TCF12: variants seen among roughly 807,000 people sequenced by gnomAD.
TCF12 encodes DNA-binding protein HTF4.
Under a neutral mutation model 86.0 loss-of-function variants are expected in TCF12, and 45 were observed. The observed-to-expected ratio is 0.52, with a 90% CI of 0.41 to 0.67. The LOEUF is 0.67. TCF12 is among the 30% of genes least tolerant of loss of function. The pLI is 0.00. For missense variants in TCF12, 881 were observed against 859.9 expected (o/e 1.02, Z -0.31); for synonymous variants, 330 against 299.6 (o/e 1.10, Z -1.05).
intron 3 of TCF12, among the ~76,000 whole-genome samples, chr15:56,939,594 C>G (rs1179917293): frequency 1.3e-5 from 2 of 152,122 alleles, no homozygotes; most frequent in Non-Finnish European, 2.9e-5. Flanking sequence ...GTGCTTTACA[C>G]TTGTGTTTCT....
chr15:57,180,970 A>G (rs2056307209), intron 6 of TCF12, among the ~76,000 whole-genome samples: 1 of 151,452 alleles, frequency 6.6e-6, no homozygotes, highest in African/African-American at 2.4e-5. Flanking sequence ...ACCCGCCACC[A>G]CGCCCGCCTA....
At chr15:57,121,964 A>G (rs996237418) in intron 5 of TCF12, among the ~76,000 whole-genome samples, 14 of 152,118 alleles carry the variant, frequency 9.2e-5, no homozygotes, top group African/African-American at 3.1e-4. Context: ...CAGTATACCT[A>G]TGGGTGAGAT....
chr15:57,153,577 G>T (rs1346071600), intron 5 of TCF12, among the ~76,000 whole-genome samples: 3 of 152,010 alleles, frequency 2.0e-5, no homozygotes, highest in African/African-American at 7.3e-5. Flanking sequence ...TTATATTGTC[G>T]GTTTTATAAA....
chr15:56,966,806 T>C (rs1036829826), intron 3 of TCF12, among the ~76,000 whole-genome samples: 6 of 152,192 alleles, frequency 3.9e-5, no homozygotes, highest in African/African-American at 1.2e-4. Flanking sequence ...CAAGAACTTA[T>C]TGAATAGTAG....
At chr15:57,030,675 T>C (rs916869363) in intron 3 of TCF12, among the ~76,000 whole-genome samples, 2 of 152,232 alleles carry the variant, frequency 1.3e-5, no homozygotes. Flanking sequence ...TATAGAAATT[T>C]CAGTTTGTTT....
At chr15:57,276,229 C>G (rs1356497375) in intron 19 of TCF12, among the ~76,000 whole-genome samples, 7 of 152,218 alleles carry the variant, frequency 4.6e-5, no homozygotes, top group Admixed American at 3.3e-4. Flanking sequence ...GTTTTGAAAT[C>G]TGGCTGGTCC....
At chr15:57,081,002 C>CTTAGCAGCGG (rs1384405436) in intron 4 of TCF12, among the ~76,000 whole-genome samples, 1 of 152,168 alleles carries the variant, frequency 6.6e-6, no homozygotes, top group African/African-American at 2.4e-5. Context: ...TAGATGTTCA[C>CTTAGCAGCGG]TTAGCAGCGG....
chr15:56,995,274 TGG>T (rs2063655449), intron 3 of TCF12, among the ~76,000 whole-genome samples: 1 of 140,914 alleles, frequency 7.1e-6, no homozygotes, highest in Non-Finnish European at 1.6e-5. Flanking sequence ...AGGATTGCTT[TGG>T]CTATTTCGGC....
intron 3 of TCF12, among the ~76,000 whole-genome samples, chr15:57,005,377 T>C (rs1212267143): frequency 1.3e-5 from 2 of 152,172 alleles, no homozygotes; most frequent in Admixed American, 6.5e-5. Context: ...TGTGGTATTT[T>C]TTGTGAGAGG....
At chr15:57,012,692 T>A (rs1192175223) in intron 3 of TCF12, among the ~76,000 whole-genome samples, 1 of 152,134 alleles carries the variant, frequency 6.6e-6, no homozygotes, top group African/African-American at 2.4e-5. Context: ...GGACTTCAAT[T>A]TCTAGGCCCT....
At chr15:57,007,494 TATAAG>T (rs1278737764) in intron 3 of TCF12, among the ~76,000 whole-genome samples, 4 of 152,220 alleles carry the variant, frequency 2.6e-5, no homozygotes, top group African/African-American at 7.2e-5. Flanking sequence ...TTCACGTTGT[TATAAG>T]AGAAAGAATT....
At chr15:57,125,535 A>G (rs1843544775) in intron 5 of TCF12, among the ~76,000 whole-genome samples, 1 of 152,222 alleles carries the variant, frequency 6.6e-6, no homozygotes, top group Non-Finnish European at 1.5e-5. Flanking sequence ...TAGCCTTTAA[A>G]CTTAAAGATA....
chr15:57,003,637 G>C (rs577187825), intron 3 of TCF12, among the ~76,000 whole-genome samples: 19 of 152,344 alleles, frequency 1.2e-4, no homozygotes, highest in African/African-American at 4.3e-4. Context: ...TTCGTTGTCT[G>C]CTGGGAATGT....
At chr15:56,986,964 T>G (rs1225446900) in intron 3 of TCF12, among the ~76,000 whole-genome samples, 2 of 152,228 alleles carry the variant, frequency 1.3e-5, no homozygotes, top group Admixed American at 6.5e-5. Context: ...ATTGAAGATC[T>G]TTGGCTGTTT....
intron 3 of TCF12, among the ~76,000 whole-genome samples, chr15:57,053,481 T>G (rs2067777971): frequency 6.6e-6 from 1 of 152,236 alleles, no homozygotes; most frequent in Non-Finnish European, 1.5e-5. Context: ...GTAGTCCCAC[T>G]TGTCTGTTTT....
chr15:57,253,891 C>T (rs2060228545), intron 16 of TCF12, among the ~76,000 whole-genome samples: 1 of 152,128 alleles, frequency 6.6e-6, no homozygotes, highest in African/African-American at 2.4e-5. Context: ...TATTCCCGAA[C>T]TGCGGGGGAG....
intron 3 of TCF12, among the ~76,000 whole-genome samples, chr15:56,956,834 A>G (rs1677743800): frequency 6.6e-6 from 1 of 151,624 alleles, no homozygotes; most frequent in South Asian, 2.1e-4. Context: ...GAGCAATTTT[A>G]TTATGTGACT....
At chr15:57,004,330 C>T (rs1019991419) in intron 3 of TCF12, among the ~76,000 whole-genome samples, 9 of 151,668 alleles carry the variant, frequency 5.9e-5, no homozygotes, top group African/African-American at 7.3e-5. Flanking sequence ...ACAGTTCAAG[C>T]GAGTTCAAGT....
chr15:57,197,231 A>G (rs980752191), intron 7 of TCF12, among the ~76,000 whole-genome samples: 3 of 133,838 alleles, frequency 2.2e-5, no homozygotes, highest in Non-Finnish European at 4.6e-5. Flanking sequence ...ATCTTGGCTC[A>G]CTGCAACCTC....
Sources: allele counts gnomAD v4.1 joint callset (sites outside exome capture counted in the v4.1 genomes callset), GRCh38; gene constraint gnomAD v4.1.1; transcripts MANE v1.5; gene names NCBI Gene and HGNC (gene_info 2026-07-23, HGNC 2026-07-21).